NDUFS4: variants seen among roughly 807,000 people sequenced by gnomAD.
NDUFS4 encodes the protein NADH:ubiquinone oxidoreductase subunit S4.
Under a neutral mutation model 24.3 loss-of-function variants are expected in NDUFS4, and 28 were observed. That is an observed-to-expected ratio of 1.15 (90% confidence interval 0.85 to 1.58). NDUFS4 has a LOEUF of 1.58. NDUFS4 is among the 40% of genes most tolerant of loss of function. The pLI is 0.00. For synonymous variants in NDUFS4, 93 were observed against 69.7 expected (o/e 1.34, Z -1.67); for missense variants, 223 against 207.9 (o/e 1.07, Z -0.45).
intron 1 of NDUFS4, among the ~76,000 whole-genome samples, chr5:53,589,047 G>A (rs1454443160): frequency 6.6e-6 from 1 of 152,008 alleles, no homozygotes. Context: ...CAGTTGTGAA[G>A]CAGATCATCT....
intron 2 of NDUFS4, among the ~76,000 whole-genome samples, chr5:53,623,864 G>A (rs545023673): frequency 1.3e-3 from 195 of 152,106 alleles, no homozygotes; most frequent in Non-Finnish European, 2.4e-3. Flanking sequence ...GACTACAGGC[G>A]TGCACCACCA....
chr5:53,604,420 C>T (rs1436145941), intron 2 of NDUFS4, among the ~76,000 whole-genome samples: 1 of 152,134 alleles, frequency 6.6e-6, no homozygotes, highest in Non-Finnish European at 1.5e-5. Context: ...AAATTCACAT[C>T]TTGTGCTGAC....
At chr5:53,666,581 T>A (rs1752520070) in intron 4 of NDUFS4, among the ~76,000 whole-genome samples, 2 of 152,216 alleles carry the variant, frequency 1.3e-5, no homozygotes, top group Admixed American at 1.3e-4. Context: ...ACCTAGCACC[T>A]AGCACAAAAC....
chr5:53,668,486 T>A (rs1296154435), intron 4 of NDUFS4, among the ~76,000 whole-genome samples: 9 of 151,752 alleles, frequency 5.9e-5, no homozygotes, highest in Non-Finnish European at 2.9e-5. Context: ...GGAGACAGAG[T>A]CTCACTCTGT....
chr5:53,597,824 G>A (rs1750175423), intron 1 of NDUFS4, among the ~76,000 whole-genome samples: 1 of 152,120 alleles, frequency 6.6e-6, no homozygotes, highest in Non-Finnish European at 1.5e-5. Flanking sequence ...ACAAGCCACA[G>A]ACTAGGAAGA....
chr5:53,633,275 A>C (rs72753647), intron 2 of NDUFS4, among the ~76,000 whole-genome samples: 19,746 of 152,204 alleles, frequency 0.13, 1,485 homozygotes, highest in Middle Eastern at 0.18. Flanking sequence ...GTGACTTGGC[A>C]TATTGAATAT....
At chr5:53,569,347 A>G (rs1749140762) in intron 1 of NDUFS4, among the ~76,000 whole-genome samples, 1 of 152,186 alleles carries the variant, frequency 6.6e-6, no homozygotes, top group Non-Finnish European at 1.5e-5. Context: ...AACCTTTTAA[A>G]AAATGTGAAA....
chr5:53,681,780 T>C (rs1472270158), intron 4 of NDUFS4, among the ~76,000 whole-genome samples: 4 of 152,144 alleles, frequency 2.6e-5, no homozygotes, highest in Non-Finnish European at 5.9e-5. Context: ...TATTCTCTTA[T>C]GGATAAAGTA....
chr5:53,632,702 C>G (rs899384077), intron 2 of NDUFS4, among the ~76,000 whole-genome samples: 8 of 152,120 alleles, frequency 5.3e-5, no homozygotes, highest in Admixed American at 1.3e-4. Context: ...AGTTTTCCTT[C>G]TTTCAGGGAA....
intron 4 of NDUFS4, among the ~76,000 whole-genome samples, chr5:53,663,036 G>A (rs1752394068): frequency 6.6e-6 from 1 of 151,680 alleles, no homozygotes. Flanking sequence ...TGTTCTCGTT[G>A]GTTTCAAAGA....
intron 2 of NDUFS4, among the ~76,000 whole-genome samples, chr5:53,621,827 G>T (rs1045032054): frequency 2.0e-4 from 29 of 148,632 alleles, no homozygotes; most frequent in Admixed American, 8.9e-4. Flanking sequence ...TCAGCCTCCC[G>T]TGTAGCTGGG....
intron 1 of NDUFS4, among the ~76,000 whole-genome samples, chr5:53,570,333 A>G (rs973377559): frequency 6.6e-5 from 10 of 152,156 alleles, no homozygotes; most frequent in Non-Finnish European, 1.2e-4. Context: ...TGAACTTCAT[A>G]TAAGTTTCAT....
intron 4 of NDUFS4, among the ~76,000 whole-genome samples, chr5:53,663,351 T>G (rs1168307037): frequency 6.6e-6 from 1 of 152,198 alleles, no homozygotes; most frequent in Non-Finnish European, 1.5e-5. Context: ...TTAGGTTTGC[T>G]TGGTGCAGAG....
intron 1 of NDUFS4, among the ~76,000 whole-genome samples, chr5:53,562,666 G>A (rs529930298): frequency 6.6e-6 from 1 of 152,122 alleles, no homozygotes; most frequent in East Asian, 1.9e-4. Flanking sequence ...AGCTTGTCAT[G>A]TTCATCCTAA....
At chr5:53,665,342 C>T (rs1752481119) in intron 4 of NDUFS4, among the ~76,000 whole-genome samples, 1 of 152,184 alleles carries the variant, frequency 6.6e-6, no homozygotes, top group Non-Finnish European at 1.5e-5. Context: ...AGAACCACTA[C>T]TCTTCAAAGC....
intron 2 of NDUFS4, among the ~76,000 whole-genome samples, chr5:53,630,285 C>G (rs775952776): frequency 6.6e-6 from 1 of 152,126 alleles, no homozygotes; most frequent in South Asian, 2.1e-4. Flanking sequence ...GTGGTTAACT[C>G]GACCTTTTTC....
chr5:53,562,976 T>A (rs1451692318), intron 1 of NDUFS4, among the ~76,000 whole-genome samples: 11 of 152,130 alleles, frequency 7.2e-5, no homozygotes, highest in African/African-American at 2.7e-4. Context: ...ACACCTGTAA[T>A]CCCAGCACTT....
intron 2 of NDUFS4, among the ~76,000 whole-genome samples, chr5:53,629,824 T>G (rs1751352489): frequency 6.6e-6 from 1 of 152,194 alleles, no homozygotes; most frequent in African/African-American, 2.4e-5. Context: ...GGGTCTTGAC[T>G]CTATCCAATT....
At chr5:53,578,365 A>G (rs1216847710) in intron 1 of NDUFS4, among the ~76,000 whole-genome samples, 1 of 152,182 alleles carries the variant, frequency 6.6e-6, no homozygotes, top group African/African-American at 2.4e-5. Context: ...GACTCTTACC[A>G]GTGTCCTTGA....
Sources: gnomAD v4.1 joint callset for allele counts (sites outside exome capture counted in the v4.1 genomes callset) on GRCh38, gnomAD v4.1.1 for gene constraint, MANE v1.5 for transcripts, NCBI Gene and HGNC (gene_info 2026-07-23, HGNC 2026-07-21) for gene names.